GFPT2: variants seen among roughly 807,000 people sequenced by gnomAD.
The protein encoded by GFPT2 is glutamine--fructose-6-phosphate aminotransferase [isomerizing] 2.
GFPT2 carries 62 observed loss-of-function variants against 85.6 expected under a neutral mutation model. That is an observed-to-expected ratio of 0.72 (90% CI 0.59 to 0.90). GFPT2 has a LOEUF of 0.90. Ranked by LOEUF, GFPT2 falls within the 40% of genes least tolerant of loss-of-function variation. The pLI is 0.00. For missense variants in GFPT2, 788 were observed against 893.4 expected, an observed-to-expected ratio of 0.88 and a Z score of 1.50; for synonymous variants, 368 against 344.5, an observed-to-expected ratio of 1.07 and a Z score of -0.75.
chr5:180,306,186 T>C (rs1763774023), intron 16 of GFPT2, among the ~76,000 whole-genome samples: 2 of 152,240 alleles, frequency 1.3e-5, no homozygotes, highest in Non-Finnish European at 2.9e-5. Flanking sequence ...GCTTTTACCA[T>C]GTTGTCCAGG....
intron 9 of GFPT2, among the ~76,000 whole-genome samples, chr5:180,321,342 A>C (rs987402100): frequency 4.6e-5 from 7 of 152,236 alleles, no homozygotes; most frequent in Admixed American, 3.9e-4. Flanking sequence ...ATGTTTGTTT[A>C]AATATAATTA....
At chr5:180,351,533 C>T (rs1309054406) in intron 1 of GFPT2, among the ~76,000 whole-genome samples, 2 of 152,196 alleles carry the variant, frequency 1.3e-5, no homozygotes, top group Non-Finnish European at 2.9e-5. Flanking sequence ...GGACCGCAGC[C>T]ACTCCTGAGC....
chr5:180,321,595 G>A (rs890671227), intron 9 of GFPT2, among the ~76,000 whole-genome samples: 18 of 152,300 alleles, frequency 1.2e-4, no homozygotes, highest in East Asian at 3.9e-4. Context: ...ACCGTGCCCC[G>A]CACACACTGG....
intron 2 of GFPT2, among the ~76,000 whole-genome samples, chr5:180,337,761 T>C (rs1314978787): frequency 1.3e-5 from 2 of 152,080 alleles, no homozygotes; most frequent in Non-Finnish European, 2.9e-5. Context: ...AAACCACCAC[T>C]GCCGTCTATG....
intron 1 of GFPT2, among the ~76,000 whole-genome samples, chr5:180,344,356 A>G (rs1014594605): frequency 3.3e-5 from 5 of 152,076 alleles, no homozygotes; most frequent in African/African-American, 1.2e-4. Context: ...TGGTTAAGAC[A>G]TTTCACCGTG....
intron 9 of GFPT2, among the ~76,000 whole-genome samples, chr5:180,321,789 TTTG>T (rs1764126208): frequency 6.7e-6 from 1 of 149,476 alleles, no homozygotes; most frequent in African/African-American, 2.5e-5. Flanking sequence ...TTTGTTTTGT[TTTG>T]TTTTGTTTTG....
Position 180,314,104 on chromosome 5 carries a change from C to T in GFPT2, c.1274-140G>A, listed in dbSNP as rs964456765. On this transcript the variant is annotated intron_variant, in intron 13 of 18. Transcript: ENST00000253778. ...GCGGGTGTTCAGAAAGGAAAACGCT[C>T]GCTCAACAGCCTTTTCGGTTGATTC... 6 of 720,694 alleles carry T rather than the reference C, an allele frequency of 8.3e-6. No individual in the cohort carries two copies. The African/African-American group carries it at 9.1e-5, about 11-fold the overall frequency. 44.6% of individuals were successfully genotyped at this position (720,694 alleles called of 1,614,324 possible).
rs867564400 is a variant in GFPT2, at chr5:180,318,809, C to T, written c.942G>A (p.Leu314=). 3.7e-6 allele frequency: 6 copies of T among 1,613,800 alleles called. No individual in the cohort carries two copies. Among genetic ancestry groups the T allele is most frequent in the Middle Eastern group, 3.3e-4 (2 of 6,084 alleles). Residue 314 remains leucine, a synonymous_variant, in exon 10 of 19, where the codon CTG becomes CTA. Coordinates refer to ENST00000253778, the MANE Select transcript of GFPT2 (RefSeq NM_005110.4). This position sits in a 1 kb window ranked among gnomAD's most constrained non-coding sequence, Gnocchi z 4.2. ...SRAIQTLQME[L]QQIMKGNFSA... is the part of the protein sequence containing the mutation. ...GACACCTGCCTTTCATGATTTGCTG[C>T]AGTTCCATCTGCAAGGTCTGGATGG...
At position 180,353,307 on chromosome 5, in the gene GFPT2, T is replaced by G. The variant is rs1282892766; in HGVS notation, c.-90A>C. 2 of 991,642 alleles carry G rather than the reference T, an allele frequency of 2.0e-6. No individual in the cohort carries two copies. Among genetic ancestry groups the G allele is most frequent in the East Asian group, 3.4e-5 (1 of 29,242 alleles). The allele number at this position is 991,642 out of a possible 1,614,324, so 61.4% of individuals were successfully genotyped here. On this transcript the variant is annotated 5_prime_UTR_variant, in exon 1 of 19. Coordinates refer to ENST00000253778, the MANE Select transcript of GFPT2 (RefSeq NM_005110.4). Reference sequence around the variant, plus strand: ...TCCGTGGGCTCCTCCGTGGGCTCCGTGGGCTCCGTGGGCTCCGCGGGCTCC... The same window carrying G: ...TCCGTGGGCTCCTCCGTGGGCTCCGGGGGCTCCGTGGGCTCCGCGGGCTCC...
Position 180,324,219 on chromosome 5 carries a change from C to A in GFPT2, c.763G>T (p.Ala255Ser), listed in dbSNP as rs773009551. The A allele has an allele frequency of 3.7e-6, 6 of 1,610,134 alleles. No individual in the cohort carries two copies. Among genetic ancestry groups the A allele is most frequent in the Non-Finnish European group, 2.5e-6 (3 of 1,176,644 alleles). Reference sequence around the variant, plus strand: ...TCAGAAGCAAAGAAGAATTCCACGGCCTTGTCGCCCACAGCATGCAGGCAG... The same window carrying A: ...TCAGAAGCAAAGAAGAATTCCACGGACTTGTCGCCCACAGCATGCAGGCAG... ...SACLHAVGDK[A>S]VEFFFASDAS... Residue 255 changes from alanine to serine, a missense_variant, in exon 9 of 19, where the codon GCC becomes TCC. Transcript: ENST00000253778.
intron 1 of GFPT2, among the ~76,000 whole-genome samples, chr5:180,348,732 CTTTTTT>C (rs11322913): frequency 7.2e-6 from 1 of 139,806 alleles, no homozygotes; most frequent in Non-Finnish European, 1.6e-5. Context: ...CATTTCTTTT[CTTTTTT>C]TTTTTTTTTG....
chr5:180,340,609 T>C (rs1244557911), intron 1 of GFPT2, among the ~76,000 whole-genome samples: 2 of 150,874 alleles, frequency 1.3e-5, no homozygotes, highest in Middle Eastern at 3.2e-3. Flanking sequence ...CCTCCCAGGT[T>C]CACACTATTC....
In GFPT2 at chr5:180,302,579, G is replaced by A; in HGVS notation, c.1848C>T (p.Arg616=). 1 of 1,612,548 alleles carries A rather than the reference G, an allele frequency of 6.2e-7. No homozygotes were observed. Among genetic ancestry groups the A allele is most frequent in the Non-Finnish European group, 8.5e-7 (1 of 1,178,826 alleles). ...ALQQVTARQG[R]PIILCSKDDT... ...CGTCCTTGGAGCACAGTATAATGGG[G>A]CGACCCTAGAGCAGAGAAATAGCAT... Residue 616 remains arginine, a synonymous_variant, in exon 18 of 19, where the codon CGC becomes CGT. Transcript: ENST00000253778.
intron 2 of GFPT2, among the ~76,000 whole-genome samples, chr5:180,338,198 A>G (rs1358108011): frequency 6.6e-6 from 1 of 152,154 alleles, no homozygotes; most frequent in East Asian, 1.9e-4. Flanking sequence ...CGCACGGCAG[A>G]GCAGCTGTCC....
In GFPT2 at chr5:180,346,094, T is replaced by C. The variant is rs1212023088; in HGVS notation, c.7+7117A>G. The stretch of plus-strand genomic sequence containing the variant: ...GAACCCTGCTGGGTAAACCACCATC[T>C]ACAGTGGCTCCCCGCATGCCAACCC... On this transcript the variant is annotated intron_variant, in intron 1 of 18. Transcript: ENST00000253778. Among the ~76,000 whole-genome samples the C allele has an allele frequency of 2.6e-5, 4 of 152,194 alleles. No homozygotes were observed. The East Asian group carries it at 7.7e-4, about 29-fold the overall frequency.
At chr5:180,343,954 C>T (rs770875364) in intron 1 of GFPT2, among the ~76,000 whole-genome samples, 6 of 152,226 alleles carry the variant, frequency 3.9e-5, no homozygotes, top group Non-Finnish European at 7.3e-5. Flanking sequence ...AGGTATCCAG[C>T]GGACTTTTTG....
At chr5:180,326,041 T>C (rs1764205735) in intron 7 of GFPT2, among the ~76,000 whole-genome samples, 1 of 151,924 alleles carries the variant, frequency 6.6e-6, no homozygotes, top group Non-Finnish European at 1.5e-5. Flanking sequence ...AATAAATAAA[T>C]AAATAAATAA....
intron 1 of GFPT2, among the ~76,000 whole-genome samples, chr5:180,339,683 G>A (rs1005314380): frequency 2.3e-4 from 35 of 151,996 alleles, no homozygotes; most frequent in African/African-American, 8.2e-4. Context: ...TTTCATCCTC[G>A]CTCCCACTGC....
At chr5:180,333,336 G>A (rs1002741116) in intron 4 of GFPT2, among the ~76,000 whole-genome samples, 3 of 151,906 alleles carry the variant, frequency 2.0e-5, no homozygotes, top group Middle Eastern at 3.2e-3. Flanking sequence ...CCAGGTTCAC[G>A]CCATTCTCCT....
Sources: allele counts gnomAD v4.1 joint callset (sites outside exome capture counted in the v4.1 genomes callset), GRCh38; gene constraint gnomAD v4.1.1; non-coding constraint Gnocchi (gnomAD v3.1); transcripts MANE v1.5; gene names NCBI Gene and HGNC (gene_info 2026-07-23, HGNC 2026-07-21).